The following MTOR variants were observed in gnomAD, a reference collection of about 807,000 sequenced individuals.
MTOR encodes mechanistic target of rapamycin kinase, also known as serine/threonine-protein kinase mTOR.
MTOR carries 70 observed loss-of-function variants against 319.8 expected under a neutral mutation model. The ratio of observed to expected loss-of-function variants is 0.22; its 90% CI spans 0.18 to 0.27. The LOEUF is 0.27. Ranked by LOEUF, MTOR falls within the 10% of genes least tolerant of loss-of-function variation. The probability of loss-of-function intolerance (pLI) is 1.00; values close to 1 mark genes in which losing one functional copy is unlikely to be tolerated. For missense variants in MTOR, 1,890 were observed against 3,274.4 expected (o/e 0.58, Z 10.32); for synonymous variants, 1,183 against 1,211.4 (o/e 0.98, Z 0.49).
chr1:11,243,439 C>T (rs1648357744), intron 8 of MTOR, 139 bp from the exon 9 acceptor site: 19 of 784,216 alleles, frequency 2.4e-5, no homozygotes, highest in Middle Eastern at 2.7e-4. Flanking sequence ...CACCTGTAAT[C>T]CCAACACTTT....
chr1:11,210,922 G>GA lies in MTOR; in HGVS notation c.3562-17dup, dbSNP rs1199683681. The GA allele has an allele frequency of 1.3e-6, 2 of 1,498,692 alleles. No homozygotes were observed. Among genetic ancestry groups the GA allele is most frequent in the Non-Finnish European group, 1.9e-6 (2 of 1,078,508 alleles). 92.8% of individuals were successfully genotyped at this position (1,498,692 alleles called of 1,614,324 possible). A position where few individuals can be genotyped will look rare whatever the true frequency, so the allele number is the denominator to read the frequency against. On this transcript the variant is annotated splice_polypyrimidine_tract_variant and intron_variant, in intron 23 of 57. Transcript: ENST00000361445. ...AAATTTGGTACTAAAACAGGAGGGG[G>GA]AAGAGATGAGAAACTATCATTTTGG...
chr1:11,127,000 A>C lies in MTOR; in HGVS notation c.6351+10T>G. 1 of 1,614,050 alleles carries C rather than the reference A, an allele frequency of 6.2e-7. No individual in the cohort carries two copies. ...GACAGTTAACCCTGCCAGGAGCCTG[A>C]AGATCCTACCTGAGGCAGCTGCTTT... On this transcript the variant is annotated intron_variant, in intron 45 of 57. Coordinates refer to ENST00000361445, the MANE Select transcript of MTOR (RefSeq NM_004958.4).
At position 11,192,518 on chromosome 1, in the gene MTOR, G is replaced by A. The variant is rs1645582571; in HGVS notation, c.4253+6740C>T. On this transcript the variant is annotated intron_variant, in intron 28 of 57. Transcript: ENST00000361445. ...CACCTGTAATCCCAGCACTATGGGA[G>A]GCCGAGGCAGGTGGATCACTTCAGG... 1.1e-5 allele frequency: 7 copies of A among 646,314 alleles called. No homozygotes were observed. In the South Asian group the frequency reaches 1.3e-4, roughly 12 times the overall value. 40.0% of individuals were successfully genotyped at this position (646,314 alleles called of 1,614,324 possible).
At chr1:11,124,776 T>C (rs1642735230) in intron 46 of MTOR, 143 bp from the exon 47 acceptor site, 2 of 960,758 alleles carry the variant, frequency 2.1e-6, no homozygotes, top group African/African-American at 1.6e-5. Context: ...AAACAATCTT[T>C]AGAATTAATG....
At chr1:11,183,102 G>A (rs576028341) in intron 28 of MTOR, among the ~76,000 whole-genome samples, 4 of 152,304 alleles carry the variant, frequency 2.6e-5, no homozygotes, top group African/African-American at 9.6e-5. Flanking sequence ...AAGCCCAATT[G>A]CTTCACAATC....
At chr1:11,206,379 C>T (rs894849442) in intron 25 of MTOR, among the ~76,000 whole-genome samples, 4 of 152,162 alleles carry the variant, frequency 2.6e-5, no homozygotes, top group Non-Finnish European at 2.9e-5. Flanking sequence ...TGGAGTCATG[C>T]TATCTAGGTC....
chr1:11,253,219 T>A (rs868422845), intron 6 of MTOR, among the ~76,000 whole-genome samples: 3 of 152,320 alleles, frequency 2.0e-5, no homozygotes, highest in Middle Eastern at 3.4e-3. Context: ...GCTGTTTCCC[T>A]AATAAAATCC....
At chr1:11,243,490 GA>G (rs1245336472) in intron 8 of MTOR, among the ~76,000 whole-genome samples, 190 bp from the exon 9 acceptor site, 1 of 151,888 alleles carries the variant, frequency 6.6e-6, no homozygotes, top group African/African-American at 2.4e-5. Flanking sequence ...CCAGGAGTTC[GA>G]AACAGCCTGG....
intron 49 of MTOR, among the ~76,000 whole-genome samples, chr1:11,119,753 A>C (rs574056399): frequency 1.2e-3 from 185 of 151,616 alleles, no homozygotes; most frequent in African/African-American, 4.1e-3. Context: ...CTCAAAAAAA[A>C]AAAACAAAAC....
At position 11,128,644 on chromosome 1, in the gene MTOR, G is replaced by A. The variant is rs527966353; in HGVS notation, c.5812-92C>T. 39 of 1,310,418 alleles carry A rather than the reference G, an allele frequency of 3.0e-5. No homozygotes were observed. In the African/African-American group the frequency reaches 4.5e-4, roughly 15 times the overall value. 81.2% of individuals were successfully genotyped at this position (1,310,418 alleles called of 1,614,324 possible). ...AAGATCAATTCTTTTAACTTGTTTC[G>A]GTTGATGCTCTGAAATGGTTCATTC... is the stretch of plus-strand genomic sequence containing the variant. On this transcript the variant is annotated intron_variant, in intron 41 of 57. Coordinates refer to ENST00000361445, the MANE Select transcript of MTOR (RefSeq NM_004958.4). This position sits in a 1 kb window ranked among gnomAD's most constrained non-coding sequence, Gnocchi z 5.3.
At chr1:11,232,239 A>T (rs1237268189) in intron 16 of MTOR, among the ~76,000 whole-genome samples, 197 bp downstream of exon 16, 2 of 152,122 alleles carry the variant, frequency 1.3e-5, no homozygotes, top group Non-Finnish European at 2.9e-5. Context: ...ACTGAAACTG[A>T]CTCTGGGTCA....
At chr1:11,228,564 C>G (rs2100852868) in intron 19 of MTOR, 104 bp downstream of exon 19, 1 of 1,474,522 alleles carries the variant, frequency 6.8e-7, no homozygotes, top group Non-Finnish European at 9.2e-7. Flanking sequence ...AGGCATTGGG[C>G]TCAGGGGCAC....
In MTOR at chr1:11,121,384, A is replaced by G. The variant is rs950802140; in HGVS notation, c.6811-16T>C. On this transcript the variant is annotated splice_polypyrimidine_tract_variant and intron_variant, in intron 48 of 57. Coordinates refer to ENST00000361445, the MANE Select transcript of MTOR (RefSeq NM_004958.4). The surrounding 1 kb of genome is among the most constrained non-coding windows in gnomAD (Gnocchi z 4.9). ...CCGGAGCCATCTGCATCAGGACACAACTGTTCAGTAAGAGAGCAGCCTAAG... is the reference window on the plus strand; with the variant it reads ...CCGGAGCCATCTGCATCAGGACACAGCTGTTCAGTAAGAGAGCAGCCTAAG... 14 of 1,613,680 alleles carry G rather than the reference A, an allele frequency of 8.7e-6. No homozygotes were observed. Among genetic ancestry groups the G allele is most frequent in the Admixed American group, 8.3e-5 (5 of 60,004 alleles).
rs1368004392 is a variant in MTOR at position 11,115,061 on chromosome 1, A to G, written c.7090-174T>C. ...TCACAGGGATTTGAAAGACAACTTA[A>G]AAAAAAAAAGAAACGAACAACAGAA... is the stretch of plus-strand genomic sequence containing the variant. On this transcript the variant is annotated intron_variant, in intron 51 of 57. Transcript: ENST00000361445. This position sits in a 1 kb window ranked among gnomAD's most constrained non-coding sequence, Gnocchi z 4.5. Among the ~76,000 whole-genome samples, 1 of 149,918 alleles carries G rather than the reference A, an allele frequency of 6.7e-6. No homozygotes were observed. Among genetic ancestry groups the G allele is most frequent in the East Asian group, 1.9e-4 (1 of 5,170 alleles).
In MTOR at chr1:11,167,513, T is replaced by A. The variant is rs750674064; in HGVS notation, c.4258A>T (p.Asn1420Tyr). The change falls in exon 29 of 58, where the codon AAT becomes TAT. Residue 1420 changes from asparagine (N) to tyrosine (Y), a missense_variant. Around this residue, in one of 15 missense-constraint regions of MTOR, gnomAD observed 45 missense variants for 107.2 expected, o/e 0.42. Coordinates refer to ENST00000361445, the MANE Select transcript of MTOR (RefSeq NM_004958.4). The stretch of plus-strand genomic sequence containing the variant: ...GCCTCCGGCTGCTGTAGCTTATTAT[T>A]AATGCTGAGAAAACAAAGGGAAAAG... The part of the protein sequence containing the change: ...PAILESLISI[N>Y]NKLQQPEAAA... 6.2e-7 allele frequency: 1 copy of A among 1,611,394 alleles called. No individual in the cohort carries two copies. The highest frequency in any genetic ancestry group is 1.1e-5 in the South Asian group (1 of 91,046).
chr1:11,110,119 T>C (rs1318299723), intron 54 of MTOR, among the ~76,000 whole-genome samples: 1 of 152,062 alleles, frequency 6.6e-6, no homozygotes, highest in African/African-American at 2.4e-5. Flanking sequence ...ATTAACAAAA[T>C]AAACTCATAG....
At chr1:11,261,382 G>A (rs1569863929) in intron 1 of MTOR, among the ~76,000 whole-genome samples, 1 of 151,798 alleles carries the variant, frequency 6.6e-6, no homozygotes, top group South Asian at 2.1e-4. Flanking sequence ...TGAGGCAGGA[G>A]AATGGCGGGA....
intron 49 of MTOR, among the ~76,000 whole-genome samples, chr1:11,118,862 A>G (rs1016260286): frequency 6.6e-6 from 1 of 151,952 alleles, no homozygotes; most frequent in Non-Finnish European, 1.5e-5. Flanking sequence ...CTGAGCTTCA[A>G]GCATTCCACC....
At chr1:11,249,209 A>C (rs893806299) in intron 6 of MTOR, among the ~76,000 whole-genome samples, 1 of 148,976 alleles carries the variant, frequency 6.7e-6, no homozygotes, top group South Asian at 2.2e-4. Flanking sequence ...TGGGCAGCAG[A>C]GCAAGCCTTG....
Sources: gnomAD v4.1 joint callset for allele counts (sites outside exome capture counted in the v4.1 genomes callset) on GRCh38, gnomAD v4.1.1 for gene constraint, gnomAD v4.1.1 regional missense constraint, Gnocchi (gnomAD v3.1) non-coding constraint, MANE v1.5 for transcripts, NCBI Gene and HGNC (gene_info 2026-07-23, HGNC 2026-07-21) for gene names.